ATP13A2: variants seen among roughly 807,000 people sequenced by gnomAD.
The protein encoded by ATP13A2 is ATPase cation transporting 13A2.
In ATP13A2, 83 loss-of-function variants were observed where a neutral mutation model predicts 138.3. The observed-to-expected ratio is 0.60, with a 90% CI of 0.50 to 0.72. ATP13A2 has a LOEUF of 0.72. ATP13A2 is among the 30% of genes least tolerant of loss of function. ATP13A2 has a pLI of 0.00. For missense variants in ATP13A2, 1,402 were observed against 1,606.4 expected (o/e 0.87, Z 2.17); for synonymous variants, 663 against 699.0 (o/e 0.95, Z 0.81).
At position 16,993,710 on chromosome 1, in the gene ATP13A2, G is replaced by A. The variant is rs774837328; in HGVS notation, c.1668C>T (p.Ala556=). 7.5e-6 allele frequency: 12 copies of A among 1,594,412 alleles called. No homozygotes were observed. The South Asian group carries it at 1.2e-4, about 17-fold the overall frequency. ...GGAGCCGGCTGAGGGCATGGCAGGTGGCCAGTGCTCGGAGCAGGGGCCCCA... is the reference window on the plus strand; with the variant it reads ...GGAGCCGGCTGAGGGCATGGCAGGTAGCCAGTGCTCGGAGCAGGGGCCCCA... The part of the protein sequence containing the change: ...LPVGPLLRAL[A]TCHALSRLQD... Residue 556 remains alanine (A), a synonymous_variant, in exon 16 of 29, where the codon GCC becomes GCT. Transcript: ENST00000326735.
chr1:17,002,550 T>G (rs2077400360), intron 6 of ATP13A2, among the ~76,000 whole-genome samples, 177 bp from the exon 7 acceptor site: 1 of 152,202 alleles, frequency 6.6e-6, no homozygotes, highest in Non-Finnish European at 1.5e-5. Flanking sequence ...CTTTTGTTCC[T>G]CTCACTGGGT....
intron 1 of ATP13A2, among the ~76,000 whole-genome samples, chr1:17,010,595 G>A (rs1253585874): frequency 6.6e-6 from 1 of 152,218 alleles, no homozygotes; most frequent in East Asian, 1.9e-4. Flanking sequence ...AAATGAGTGT[G>A]TCTGAATGGG....
intron 2 of ATP13A2, 36 bp downstream of exon 2, chr1:17,005,648 C>G (rs1233190903): frequency 6.2e-7 from 1 of 1,613,112 alleles, no homozygotes; most frequent in East Asian, 2.2e-5. Flanking sequence ...GCATTCACCC[C>G]CTGCAGCTTT....
chr1:17,005,485 C>T lies in ATP13A2; in HGVS notation c.177G>A (p.Gly59=). ...TCCAACGGAAGAGCAGCAAAGGGAT[C>T]CCAGCCATCATCCAGACCACGACGT... ...GYHVVVWMMA[G]IPLLLFRWKP... The change falls in exon 3 of 29, where the codon GGG becomes GGA. Residue 59 remains glycine, a synonymous_variant. Coordinates refer to ENST00000326735, the MANE Select transcript of ATP13A2 (RefSeq NM_022089.4). 6.2e-7 allele frequency: 1 copy of T among 1,614,234 alleles called. No individual in the cohort carries two copies. The highest frequency in any genetic ancestry group is 8.5e-7 in the Non-Finnish European group (1 of 1,180,054).
intron 20 of ATP13A2, 51 bp downstream of exon 20, chr1:16,991,683 G>A: frequency 6.2e-7 from 1 of 1,613,532 alleles, no homozygotes; most frequent in Non-Finnish European, 8.5e-7. Context: ...TTCTCTGCCA[G>A]GAAGGGGCGG....
chr1:16,991,802 A>G lies in ATP13A2; in HGVS notation c.2183T>C (p.Leu728Pro). 3.7e-6 allele frequency: 6 copies of G among 1,614,128 alleles called. No homozygotes were observed. The highest frequency in any genetic ancestry group is 5.1e-6 in the Non-Finnish European group (6 of 1,180,040). Reference sequence around the variant, plus strand: ...GATAACTGGCGTTGTCTGCGGCTTCAGTAGGTTCCTCATGACCAGCAGCCC... The same window carrying G: ...GATAACTGGCGTTGTCTGCGGCTTCGGTAGGTTCCTCATGACCAGCAGCCC... ...LLGLLVMRNL[L>P]KPQTTPVIQA... Residue 728 changes from leucine to proline, a missense_variant, in exon 20 of 29, where the codon CTG (leucine) becomes CCG (proline). Transcript: ENST00000326735.
Position 16,995,817 on chromosome 1 carries a change from G to T in ATP13A2, c.1542+159C>A. The T allele has an allele frequency of 1.2e-6, 1 of 866,498 alleles. No homozygotes were observed. Among genetic ancestry groups the T allele is most frequent in the Non-Finnish European group, 1.9e-6 (1 of 535,500 alleles). 53.7% of individuals were successfully genotyped at this position (866,498 alleles called of 1,614,324 possible). ...TCTGCCAGACCGTGAGCCCAGTGAG[G>T]GCAGGAGTGGGATGGGGTGGATCCT... is the stretch of plus-strand genomic sequence containing the variant. On this transcript the variant is annotated intron_variant, in intron 15 of 28. Transcript: ENST00000326735. This position sits in a 1 kb window ranked among gnomAD's most constrained non-coding sequence, Gnocchi z 4.1.
chr1:17,001,983 G>C, intron 8 of ATP13A2, 51 bp downstream of exon 8: 1 of 1,572,606 alleles, frequency 6.4e-7, no homozygotes. Context: ...CTGGGCCAAG[G>C]TCACACAGCA....
rs1379597894 is a variant in ATP13A2, at chr1:16,987,286, A to G, written c.2860-17T>C. The stretch of plus-strand genomic sequence containing the variant: ...GGTGTTGATCTGCCACAGGGAAGGG[A>G]GGACAGAGGGGAAACTAAGACCTGG... On this transcript the variant is annotated splice_polypyrimidine_tract_variant and intron_variant, in intron 25 of 28. Transcript: ENST00000326735. 5.6e-6 allele frequency: 9 copies of G among 1,612,294 alleles called. No homozygotes were observed.
At position 16,992,361 on chromosome 1, in the gene ATP13A2, G is replaced by A. The variant is rs1356247958; in HGVS notation, c.1887C>T (p.Pro629=). 4.3e-6 allele frequency: 7 copies of A among 1,613,402 alleles called. No individual in the cohort carries two copies. Among genetic ancestry groups the A allele is most frequent in the Non-Finnish European group, 5.9e-6 (7 of 1,179,894 alleles). ...PVPVSVLHRF[P]FSSALQRMSV... ...TCATGCGCTGCAGAGCCGAAGAGAA[G>A]GGGAAGCGGTGGAGGACGCTGACTG... The change falls in exon 18 of 29, where the codon CCC becomes CCT. Residue 629 remains proline (P), a synonymous_variant. Coordinates refer to ENST00000326735, the MANE Select transcript of ATP13A2 (RefSeq NM_022089.4).
In ATP13A2 at chr1:16,995,927, C is replaced by T. The variant is rs537119699; in HGVS notation, c.1542+49G>A. The T allele has an allele frequency of 1.5e-5, 24 of 1,609,268 alleles. No homozygotes were observed. Among genetic ancestry groups the T allele is most frequent in the East Asian group, 4.5e-5 (2 of 44,780 alleles). ...CGCGGGTGTGGAGGCCTCACTGGGG[C>T]GCCTGTGGCTGTCCCGCTCCCCTGC... On this transcript the variant is annotated intron_variant, in intron 15 of 28. Transcript: ENST00000326735. This position sits in a 1 kb window ranked among gnomAD's most constrained non-coding sequence, Gnocchi z 4.1.
At position 16,986,640 on chromosome 1, in the gene ATP13A2, C is replaced by G; in HGVS notation, c.3236-8G>C. The G allele has an allele frequency of 6.2e-7, 1 of 1,604,428 alleles. No homozygotes were observed. Among genetic ancestry groups the G allele is most frequent in the Non-Finnish European group, 8.5e-7 (1 of 1,177,706 alleles). On this transcript the variant is annotated splice_polypyrimidine_tract_variant and splice_region_variant and intron_variant, in intron 27 of 28. Coordinates refer to ENST00000326735, the MANE Select transcript of ATP13A2 (RefSeq NM_022089.4). This position sits in a 1 kb window ranked among gnomAD's most constrained non-coding sequence, Gnocchi z 6.9. ...GGGCCACCAGGAAGGGCACTGGGAGCAGGAGAGTCTCTCAGGCAGGAGCCA... is the reference window on the plus strand; with the variant it reads ...GGGCCACCAGGAAGGGCACTGGGAGGAGGAGAGTCTCTCAGGCAGGAGCCA...
At chr1:16,992,190 C>A (rs2076955942) in intron 18 of ATP13A2, 53 bp downstream of exon 18, 20 of 1,611,630 alleles carry the variant, frequency 1.2e-5, no homozygotes, top group Non-Finnish European at 1.6e-5. Context: ...TGGGTACCCA[C>A]CCCATTCTGT....
In ATP13A2 at chr1:16,992,391, C is replaced by T. The variant is rs1187762774; in HGVS notation, c.1857G>A (p.Pro619=). The change falls in exon 18 of 29, where the codon CCG becomes CCA. Residue 619 remains proline, a synonymous_variant. Transcript: ENST00000326735. ...EPQLQAMEEP[P]VPVSVLHRFP... ...AGCGGTGGAGGACGCTGACTGGCAC[C>T]GGGGGCTCCTCCTGCAGGGTTGGAG... 1.4e-5 allele frequency: 22 copies of T among 1,613,586 alleles called. No individual in the cohort carries two copies. The highest frequency in any genetic ancestry group is 1.0e-4 in the Admixed American group (6 of 59,996).
chr1:16,986,372 G>A lies in ATP13A2; in HGVS notation c.3406-14C>T, dbSNP rs139088170. ...GTCTAGCACGCTCTGCAAAGGGCAG[G>A]GAGGGTGTCAGGGGCAGCCGGGGCT... On this transcript the variant is annotated splice_polypyrimidine_tract_variant and intron_variant, in intron 28 of 28. Transcript: ENST00000326735. The surrounding 1 kb of genome is among the most constrained non-coding windows in gnomAD (Gnocchi z 6.9). 2.7e-4 allele frequency: 425 copies of A among 1,586,522 alleles called. 3 individuals carry two copies. The African/African-American group carries it at 5.4e-3, about 20-fold the overall frequency.
At chr1:16,999,329 G>A (rs1199909563) in intron 11 of ATP13A2, among the ~76,000 whole-genome samples, 1 of 136,148 alleles carries the variant, frequency 7.3e-6, no homozygotes, top group African/African-American at 2.8e-5. Context: ...GCAGTGAGCT[G>A]AGATCGCACC....
At chr1:17,000,193 T>C in intron 10 of ATP13A2, 51 bp from the exon 11 acceptor site, 2 of 1,547,708 alleles carry the variant, frequency 1.3e-6, no homozygotes, top group Non-Finnish European at 1.8e-6. Context: ...GCCCCAGCCA[T>C]GCCCCCCCAC....
In ATP13A2 at chr1:16,990,493, G is replaced by A. The variant is rs1437059741; in HGVS notation, c.2252-206C>T. On this transcript the variant is annotated intron_variant, in intron 20 of 28. Transcript: ENST00000326735. ...AAGGGTCTTAGGAGAACCTGGAGCC[G>A]TGGGCTGGAGCTCCACATATACTCC... Among the ~76,000 whole-genome samples the A allele has an allele frequency of 3.3e-5, 5 of 152,300 alleles. No homozygotes were observed. The East Asian group carries it at 5.8e-4, about 18-fold the overall frequency.
In ATP13A2 at chr1:16,999,935, G is replaced by A. The variant is rs889867487; in HGVS notation, c.1039+76C>T. 17 of 1,479,828 alleles carry A rather than the reference G, an allele frequency of 1.1e-5. 1 individual carries two copies. In the African/African-American group the frequency reaches 2.0e-4, roughly 17 times the overall value. 91.7% of individuals were successfully genotyped at this position (1,479,828 alleles called of 1,614,324 possible). On this transcript the variant is annotated intron_variant, in intron 11 of 28. Coordinates refer to ENST00000326735, the MANE Select transcript of ATP13A2 (RefSeq NM_022089.4). ...CAAAAAAGGAAAAGGAAACTCAAATGAAAACTTTTGCCGCAGGGCAAAGGG... is the reference window on the plus strand; with the variant it reads ...CAAAAAAGGAAAAGGAAACTCAAATAAAAACTTTTGCCGCAGGGCAAAGGG...
Sources: allele counts gnomAD v4.1 joint callset (sites outside exome capture counted in the v4.1 genomes callset), GRCh38; gene constraint gnomAD v4.1.1; non-coding constraint Gnocchi (gnomAD v3.1); transcripts MANE v1.5; gene names NCBI Gene and HGNC (gene_info 2026-07-23, HGNC 2026-07-21).